The following CYP7B1 variants were observed in gnomAD, a reference collection of about 807,000 sequenced individuals.
CYP7B1 encodes the protein cytochrome P450 7B1.
In CYP7B1, 29 loss-of-function variants were observed where a neutral mutation model predicts 42.7. The observed-to-expected ratio is 0.68, with a 90% CI of 0.51 to 0.93. The LOEUF (loss-of-function observed/expected upper bound fraction) is 0.93. CYP7B1 is among the 40% of genes least tolerant of loss of function. The pLI is 0.00. For synonymous variants in CYP7B1, 235 were observed against 218.2 expected, an observed-to-expected ratio of 1.08 and a Z score of -0.68; for missense variants, 655 against 600.5, an observed-to-expected ratio of 1.09 and a Z score of -0.95.
chr8:64,652,886 C>T (rs750405245), intron 1 of CYP7B1, among the ~76,000 whole-genome samples: 14 of 151,978 alleles, frequency 9.2e-5, no homozygotes, highest in Non-Finnish European at 2.1e-4. Flanking sequence ...TAAAAAACAA[C>T]AACATGCTCC....
At chr8:64,781,067 G>T (rs1255970282) in intron 1 of CYP7B1, among the ~76,000 whole-genome samples, 1 of 152,110 alleles carries the variant, frequency 6.6e-6, no homozygotes, top group Admixed American at 6.6e-5. Context: ...AGAAATCAAT[G>T]CTAATCTGTG....
intron 1 of CYP7B1, among the ~76,000 whole-genome samples, chr8:64,674,896 T>C (rs1321201486): frequency 4.6e-5 from 7 of 152,172 alleles, no homozygotes; most frequent in Non-Finnish European, 1.0e-4. Flanking sequence ...ACAAATTTTC[T>C]TGACTCAAAG....
At chr8:64,624,624 T>C in intron 1 of CYP7B1, 85 bp from the exon 2 acceptor site, 2 of 1,493,012 alleles carry the variant, frequency 1.3e-6, no homozygotes, top group Middle Eastern at 3.9e-4. Context: ...TTACTGAATC[T>C]AGAAGGTGAC....
At position 64,658,992 on chromosome 8, in the gene CYP7B1, G is replaced by A. The variant is rs142581774; in HGVS notation, c.123-34453C>T. On this transcript the variant is annotated intron_variant, in intron 1 of 5. Transcript: ENST00000310193. ...ACTAATCTGAGAGACTTGAAAAGAAGTGATGTGATTGGTCATTGACCGTGA... is the reference window on the plus strand; with the variant it reads ...ACTAATCTGAGAGACTTGAAAAGAAATGATGTGATTGGTCATTGACCGTGA... 6.5e-3 allele frequency among the ~76,000 whole-genome samples: 991 copies of A among 152,340 alleles called. 4 individuals carry two copies. Among genetic ancestry groups the A allele is most frequent in the Middle Eastern group, 0.02 (6 of 294 alleles).
At chr8:64,606,843 C>T (rs1440612704) in intron 4 of CYP7B1, among the ~76,000 whole-genome samples, 3 of 152,144 alleles carry the variant, frequency 2.0e-5, no homozygotes, top group South Asian at 4.1e-4. Flanking sequence ...GTAGAGCTTA[C>T]GTGGCTCTGC....
At chr8:64,718,580 A>G (rs896687445) in intron 1 of CYP7B1, among the ~76,000 whole-genome samples, 4 of 152,318 alleles carry the variant, frequency 2.6e-5, no homozygotes, top group African/African-American at 9.6e-5. Context: ...TGGGGCATAC[A>G]TGGGCTTCCT....
chr8:64,616,020 C>T lies in CYP7B1; in HGVS notation c.521G>A (p.Ser174Asn). The T allele has an allele frequency of 6.2e-7, 1 of 1,613,698 alleles. No homozygotes were observed. Among genetic ancestry groups the T allele is most frequent in the Non-Finnish European group, 8.5e-7 (1 of 1,179,812 alleles). The change falls in exon 3 of 6, where the codon AGT becomes AAT. Residue 174 changes from serine to asparagine, a missense_variant. Ser to Asn is a conservative substitution (Grantham distance 46). Transcript: ENST00000310193. ...VFEPQLLKTT[S>N]WDTAELYPFC... The stretch of plus-strand genomic sequence containing the variant: ...TGGATACAGTTCTGCCGTGTCCCAA[C>T]TTGTGGTTTTTAACAGCTGGGGTTC...
At chr8:64,619,119 A>T (rs1368526155) in intron 2 of CYP7B1, among the ~76,000 whole-genome samples, 1 of 152,194 alleles carries the variant, frequency 6.6e-6, no homozygotes, top group African/African-American at 2.4e-5. Flanking sequence ...AATTAATATT[A>T]ATTTAAACCA....
Position 64,615,714 on chromosome 8 carries a change from A to G in CYP7B1, c.827T>C (p.Val276Ala). Residue 276 changes from valine (V) to alanine (A), a missense_variant, in exon 3 of 6, where the codon GTG becomes GCG. Val to Ala is a moderately conservative substitution (Grantham distance 64). Transcript: ENST00000310193. Reference sequence around the variant, plus strand: ...ACCTCCTATTTCAAGGTCCTCGTGCACATAATATTTCTCCAGGACATCTTG... The same window carrying G: ...ACCTCCTATTTCAAGGTCCTCGTGCGCATAATATTTCTCCAGGACATCTTG... ...SRQDVLEKYYVHEDLEIGAHH... is the reference protein window; with the variant it reads ...SRQDVLEKYYAHEDLEIGAHH... 1 of 1,613,676 alleles carries G rather than the reference A, an allele frequency of 6.2e-7. No individual in the cohort carries two copies. The highest frequency in any genetic ancestry group is 8.5e-7 in the Non-Finnish European group (1 of 1,179,692).
intron 1 of CYP7B1, among the ~76,000 whole-genome samples, chr8:64,698,698 T>C (rs769923051): frequency 1.1e-4 from 16 of 152,162 alleles, no homozygotes; most frequent in Non-Finnish European, 1.8e-4. Context: ...TGACCTGTTA[T>C]AATTAGCACC....
At chr8:64,709,349 A>G (rs1425664449) in intron 1 of CYP7B1, among the ~76,000 whole-genome samples, 1 of 152,194 alleles carries the variant, frequency 6.6e-6, no homozygotes, top group Non-Finnish European at 1.5e-5. Context: ...CTGAATATAA[A>G]GTGTAGAGGG....
At position 64,798,449 on chromosome 8, in the gene CYP7B1, G is replaced by A. The variant is rs1043161913; in HGVS notation, c.122+17C>T. The A allele has an allele frequency of 2.7e-6, 4 of 1,507,388 alleles. No individual in the cohort carries two copies. In the African/African-American group the frequency reaches 5.8e-5, roughly 22 times the overall value. 93.4% of individuals were successfully genotyped at this position (1,507,388 alleles called of 1,614,324 possible). ...GGGCCCAGGGCGCATGCGTGGCCTG[G>A]CGGCCGAGGCGCTTACCTGGTGCGC... is the stretch of plus-strand genomic sequence containing the variant. On this transcript the variant is annotated intron_variant, in intron 1 of 5. Coordinates refer to ENST00000310193, the MANE Select transcript of CYP7B1 (RefSeq NM_004820.5).
At chr8:64,782,466 C>G (rs576061699) in intron 1 of CYP7B1, among the ~76,000 whole-genome samples, 1 of 152,096 alleles carries the variant, frequency 6.6e-6, no homozygotes, top group Non-Finnish European at 1.5e-5. Flanking sequence ...ACTGCTGGAA[C>G]CTTCATCTAG....
Position 64,595,830 on chromosome 8 carries a change from T to C in CYP7B1, c.*812A>G, listed in dbSNP as rs1261210280. 6.6e-6 allele frequency among the ~76,000 whole-genome samples: 1 copy of C among 152,240 alleles called. No homozygotes were observed. Among genetic ancestry groups the C allele is most frequent in the East Asian group, 1.9e-4 (1 of 5,202 alleles). On this transcript the variant is annotated 3_prime_UTR_variant, in exon 6 of 6. Coordinates refer to ENST00000310193, the MANE Select transcript of CYP7B1 (RefSeq NM_004820.5). ...AATTGCAATATTTGCATAACCTGTA[T>C]AGTTTATACTAAAGCCAAATGATAT...
At chr8:64,685,187 C>T (rs2129632047) in intron 1 of CYP7B1, among the ~76,000 whole-genome samples, 1 of 152,036 alleles carries the variant, frequency 6.6e-6, no homozygotes, top group South Asian at 2.1e-4. Context: ...GAGGCAGCGG[C>T]TGGAGGAGCG....
At chr8:64,711,684 G>C (rs149853284) in intron 1 of CYP7B1, among the ~76,000 whole-genome samples, 1 of 152,196 alleles carries the variant, frequency 6.6e-6, no homozygotes, top group Non-Finnish European at 1.5e-5. Flanking sequence ...AGGCACCCTT[G>C]TGGGGGTTAT....
intron 1 of CYP7B1, among the ~76,000 whole-genome samples, chr8:64,626,506 T>C (rs1307548070): frequency 6.6e-6 from 1 of 152,230 alleles, no homozygotes; most frequent in Non-Finnish European, 1.5e-5. Context: ...TAGTCTTTCA[T>C]AAAGTTTTTT....
chr8:64,588,967 A>T (rs985242503), downstream of CYP7B1, among the ~76,000 whole-genome samples: 8 of 152,250 alleles, frequency 5.3e-5, no homozygotes, highest in Admixed American at 5.2e-4. Context: ...ACTTACTTTA[A>T]TTTCCTTTGG....
chr8:64,700,926 G>T (rs1427761825), intron 1 of CYP7B1, among the ~76,000 whole-genome samples: 2 of 25,372 alleles, frequency 7.9e-5, no homozygotes, highest in African/African-American at 1.8e-4. Flanking sequence ...GTCACTTTTT[G>T]TTGTTGTTGT....
Sources: gnomAD v4.1 joint callset for allele counts (sites outside exome capture counted in the v4.1 genomes callset) on GRCh38, gnomAD v4.1.1 for gene constraint, MANE v1.5 for transcripts, NCBI Gene and HGNC (gene_info 2026-07-23, HGNC 2026-07-21) for gene names.